PAFAH1B1: variants seen among roughly 807,000 people sequenced by gnomAD.
The protein encoded by PAFAH1B1 is platelet-activating factor acetylhydrolase IB subunit beta.
A neutral mutation model predicts 57.5 loss-of-function variants in PAFAH1B1; 2 were observed. The ratio of observed to expected loss-of-function variants is 0.03; its 90% CI spans 0.01 to 0.11. The LOEUF is 0.11. Among genes scored for constraint, PAFAH1B1 ranks in the 10% least tolerant of loss-of-function variants. The pLI, the probability that PAFAH1B1 is intolerant of heterozygous loss-of-function variation, is 1.00. For synonymous variants in PAFAH1B1, 152 were observed against 169.6 expected (o/e 0.90, Z 0.81); for missense variants, 257 against 512.0 (o/e 0.50, Z 4.81).
At chr17:2,659,498 C>T (rs186642540) in intron 2 of PAFAH1B1, 41 of 146,104 alleles carry the variant, frequency 2.8e-4, no homozygotes, top group African/African-American at 1.1e-3. Context: ...TCCAGCCTGG[C>T]GACAGAGTGA....
At position 2,684,203 on chromosome 17, in the gene PAFAH1B1, CCT is replaced by C. The variant is rs2069432810; in HGVS notation, c.*2402_*2403del. On this transcript the variant is annotated 3_prime_UTR_variant, in exon 11 of 11. Transcript: ENST00000397195. ...ACAACTGGGTCCACATGTAATGAGCCCTGTTTAATAACGAAGGGGTGGGGGAG... is the reference window on the plus strand; with the variant it reads ...ACAACTGGGTCCACATGTAATGAGCCGTTTAATAACGAAGGGGTGGGGGAG... 1.3e-5 allele frequency: 2 copies of C among 152,712 alleles called. No homozygotes were observed. Among genetic ancestry groups the C allele is most frequent in the South Asian group, 4.1e-4 (2 of 4,826 alleles). 9.5% of individuals were successfully genotyped at this position (152,712 alleles called of 1,614,324 possible). A position where few individuals can be genotyped will look rare whatever the true frequency, so the allele number is the denominator to read the frequency against.
intron 1 of PAFAH1B1, among the ~76,000 whole-genome samples, chr17:2,619,300 A>G (rs994064432): frequency 2.6e-5 from 4 of 152,068 alleles, no homozygotes; most frequent in African/African-American, 9.7e-5. Flanking sequence ...CTAAGTATGT[A>G]CCAACCACCA....
intron 1 of PAFAH1B1, among the ~76,000 whole-genome samples, chr17:2,596,191 TTAA>T (rs993578561): frequency 7.9e-5 from 12 of 152,142 alleles, no homozygotes; most frequent in Non-Finnish European, 2.9e-5. Flanking sequence ...TGTGTATATA[TTAA>T]TATATAAAGA....
intron 1 of PAFAH1B1, among the ~76,000 whole-genome samples, chr17:2,611,207 T>C (rs1468783648): frequency 6.6e-6 from 1 of 152,128 alleles, no homozygotes; most frequent in Non-Finnish European, 1.5e-5. Context: ...CGGTGACTCA[T>C]GCCTATAATC....
intron 2 of PAFAH1B1, among the ~76,000 whole-genome samples, chr17:2,656,332 TC>T (rs1322072520): frequency 6.6e-6 from 1 of 152,046 alleles, no homozygotes; most frequent in African/African-American, 2.4e-5. Context: ...TGCCTGTAGT[TC>T]CAGCTACTCA....
chr17:2,665,335 GT>G (rs2069092179), intron 2 of PAFAH1B1, 36 bp from the exon 3 acceptor site: 2 of 1,095,104 alleles, frequency 1.8e-6, no homozygotes, highest in Non-Finnish European at 2.8e-6. Flanking sequence ...TAGAAATGAG[GT>G]CTTTTTTTTA....
intron 1 of PAFAH1B1, among the ~76,000 whole-genome samples, chr17:2,601,783 T>G (rs571351258): frequency 1.3e-5 from 2 of 152,226 alleles, no homozygotes; most frequent in East Asian, 3.9e-4. Context: ...CTTGCCATGT[T>G]GCCCAGGCCA....
chr17:2,613,945 G>C (rs1424539035), intron 1 of PAFAH1B1: 2 of 186,026 alleles, frequency 1.1e-5, no homozygotes, highest in Non-Finnish European at 2.2e-5. Context: ...GCAAGAGGGG[G>C]CGGCTGTGGC....
intron 1 of PAFAH1B1, among the ~76,000 whole-genome samples, chr17:2,627,119 T>C (rs2068504427): frequency 6.6e-6 from 1 of 152,208 alleles, no homozygotes. Context: ...TATTTATCTT[T>C]GTTTTTATTG....
At chr17:2,659,112 C>A (rs2068978419) in intron 2 of PAFAH1B1, among the ~76,000 whole-genome samples, 1 of 151,590 alleles carries the variant, frequency 6.6e-6, no homozygotes, top group Non-Finnish European at 1.5e-5. Flanking sequence ...TTAGCTGGGC[C>A]TAATGGCACG....
intron 1 of PAFAH1B1, among the ~76,000 whole-genome samples, chr17:2,623,960 C>A (rs775878999): frequency 1.3e-5 from 2 of 152,178 alleles, no homozygotes; most frequent in African/African-American, 4.8e-5. Flanking sequence ...CCTTTGAAAA[C>A]GAAATACTTT....
chr17:2,612,761 C>T (rs999646066), intron 1 of PAFAH1B1, among the ~76,000 whole-genome samples: 1 of 152,030 alleles, frequency 6.6e-6, no homozygotes, highest in African/African-American at 2.4e-5. Context: ...AAGATGCGCA[C>T]CACTACGCCT....
At chr17:2,630,089 T>G (rs1359694856) in intron 1 of PAFAH1B1, among the ~76,000 whole-genome samples, 1 of 152,190 alleles carries the variant, frequency 6.6e-6, no homozygotes, top group South Asian at 2.1e-4. Flanking sequence ...CCATTCAATG[T>G]TAGTATTGAA....
At chr17:2,605,953 C>T (rs2068200459) in intron 1 of PAFAH1B1, among the ~76,000 whole-genome samples, 1 of 152,126 alleles carries the variant, frequency 6.6e-6, no homozygotes. Flanking sequence ...TGTCTTTGGA[C>T]ACTAGGGAAG....
intron 2 of PAFAH1B1, among the ~76,000 whole-genome samples, chr17:2,644,600 T>C (rs555000877): frequency 5.9e-5 from 9 of 152,340 alleles, no homozygotes; most frequent in East Asian, 5.8e-4. Flanking sequence ...TCTCTACTTA[T>C]ACCTTAATGT....
intron 1 of PAFAH1B1, among the ~76,000 whole-genome samples, chr17:2,612,654 G>A (rs1315684669): frequency 6.6e-6 from 1 of 152,176 alleles, no homozygotes; most frequent in Non-Finnish European, 1.5e-5. Flanking sequence ...TGTCCCCCAA[G>A]CTGGAGTCCA....
intron 2 of PAFAH1B1, among the ~76,000 whole-genome samples, chr17:2,663,593 C>T (rs1376093861): frequency 4.0e-5 from 6 of 151,708 alleles, no homozygotes; most frequent in Non-Finnish European, 7.4e-5. Context: ...CTTTTAGTAA[C>T]GGTAGTACAC....
intron 1 of PAFAH1B1, among the ~76,000 whole-genome samples, chr17:2,619,966 T>C (rs979204127): frequency 1.3e-5 from 2 of 152,146 alleles, no homozygotes; most frequent in Admixed American, 6.6e-5. Context: ...TTTATTATTA[T>C]TCTTTGTGGA....
At chr17:2,621,227 T>G (rs2317293) in intron 1 of PAFAH1B1, among the ~76,000 whole-genome samples, 7 of 151,948 alleles carry the variant, frequency 4.6e-5, no homozygotes, top group African/African-American at 1.7e-4. Context: ...CCTCCTACCA[T>G]CCTTCACCCT....
Sources: allele counts gnomAD v4.1 joint callset (sites outside exome capture counted in the v4.1 genomes callset), GRCh38; gene constraint gnomAD v4.1.1; transcripts MANE v1.5; gene names NCBI Gene and HGNC (gene_info 2026-07-23, HGNC 2026-07-21).